The following TKT variants were observed in gnomAD, a reference collection of about 807,000 sequenced individuals.
TKT encodes the protein transketolase.
In TKT, 47 loss-of-function variants were observed where a neutral mutation model predicts 63.9. The observed-to-expected ratio is 0.74, with a 90% CI of 0.58 to 0.94. The LOEUF (loss-of-function observed/expected upper bound fraction) is 0.94. Among genes scored for constraint, TKT ranks in the 40% least tolerant of loss-of-function variants. The pLI, the probability that TKT is intolerant of heterozygous loss-of-function variation, is 0.00. For synonymous variants in TKT, 338 were observed against 334.1 expected, an observed-to-expected ratio of 1.01 and a Z score of -0.13; for missense variants, 721 against 846.2, an observed-to-expected ratio of 0.85 and a Z score of 1.84.
Position 53,239,299 on chromosome 3 carries a change from T to TA in TKT, c.437+951dup, listed in dbSNP as rs1255613004. On this transcript the variant is annotated intron_variant, in intron 4 of 13. Coordinates refer to ENST00000462138, the MANE Select transcript of TKT (RefSeq NM_001064.4). ...ACAGACTAATACAGTGATTATTCTT[T>TA]AAAAAAAAGAATAATTTTTTTTTTA... Among the ~76,000 whole-genome samples, 7 of 152,038 alleles carry TA rather than the reference T, an allele frequency of 4.6e-5. No individual in the cohort carries two copies. In the East Asian group the frequency reaches 5.8e-4, roughly 13 times the overall value.
intron 4 of TKT, among the ~76,000 whole-genome samples, chr3:53,238,721 TC>T (rs1705141830): frequency 6.6e-6 from 1 of 152,208 alleles, no homozygotes; most frequent in Non-Finnish European, 1.5e-5. Flanking sequence ...CCTCAGCCTC[TC>T]CAAGAGCAGC....
chr3:53,237,104 A>G (rs370623954), intron 4 of TKT, among the ~76,000 whole-genome samples: 49 of 152,240 alleles, frequency 3.2e-4, no homozygotes, highest in African/African-American at 1.2e-3. Context: ...AGCTCTCAGG[A>G]TGTGTGCAGT....
intron 1 of TKT, among the ~76,000 whole-genome samples, chr3:53,246,089 G>T (rs1283584574): frequency 1.3e-5 from 2 of 152,038 alleles, no homozygotes; most frequent in African/African-American, 2.4e-5. Context: ...CCAACATGGT[G>T]AAACCCTGTA....
intron 1 of TKT, among the ~76,000 whole-genome samples, chr3:53,253,142 G>T (rs782019203): frequency 6.6e-6 from 1 of 151,898 alleles, no homozygotes; most frequent in Non-Finnish European, 1.5e-5. Context: ...GCGCCTGGCC[G>T]AAACATTATT....
chr3:53,240,492 ACTT>A (rs1705227820), intron 3 of TKT, 144 bp from the exon 4 acceptor site: 5 of 633,200 alleles, frequency 7.9e-6, no homozygotes, highest in African/African-American at 1.8e-5. Flanking sequence ...CTAGCATGTG[ACTT>A]CTTCTCCTAA....
intron 4 of TKT, among the ~76,000 whole-genome samples, chr3:53,239,385 T>C (rs1456793563): frequency 6.6e-6 from 1 of 152,148 alleles, no homozygotes; most frequent in Non-Finnish European, 1.5e-5. Context: ...CATGTATAGC[T>C]ATAATCTTGA....
At chr3:53,244,921 G>C (rs1166438494) in intron 1 of TKT, among the ~76,000 whole-genome samples, 4 of 150,282 alleles carry the variant, frequency 2.7e-5, no homozygotes, top group Non-Finnish European at 5.9e-5. Context: ...ACCCTGCCTT[G>C]ACCAAAACAG....
intron 10 of TKT, chr3:53,228,678 G>T: frequency 2.0e-6 from 1 of 504,532 alleles, no homozygotes; most frequent in Non-Finnish European, 3.6e-6. Context: ...ATGCAGCTCC[G>T]GGCCTGGACC....
At chr3:53,236,825 G>A (rs1553678728) in intron 4 of TKT, among the ~76,000 whole-genome samples, 2 of 152,226 alleles carry the variant, frequency 1.3e-5, no homozygotes, top group African/African-American at 4.8e-5. Flanking sequence ...GTCCCGAGGA[G>A]ATGCCAAGGA....
At position 53,230,611 on chromosome 3, in the gene TKT, C is replaced by T. The variant is rs781935591; in HGVS notation, c.953G>A (p.Arg318His). The change falls in exon 8 of 14, where the codon CGC becomes CAC. Residue 318 changes from arginine to histidine, a missense_variant. Transcript: ENST00000462138. ...SYKVGDKIAT[R>H]KAYGQALAKL... The stretch of plus-strand genomic sequence containing the variant: ...GGCCAGTGCCTGCCCGTAGGCCTTG[C>T]GGGTGGCTATCTGTGAGGAAGAGAG... 1.2e-5 allele frequency: 19 copies of T among 1,614,054 alleles called. No homozygotes were observed. Among genetic ancestry groups the T allele is most frequent in the South Asian group, 4.4e-5 (4 of 91,080 alleles).
At chr3:53,226,646 G>A (rs577758999) in intron 13 of TKT, 110 bp downstream of exon 13, 1 of 1,499,736 alleles carries the variant, frequency 6.7e-7, no homozygotes, top group East Asian at 2.3e-5. Flanking sequence ...ACAGCTCTGG[G>A]TGTTCTGGGC....
chr3:53,228,910 C>T (rs1023594796), intron 10 of TKT, 97 bp downstream of exon 10: 3 of 1,529,980 alleles, frequency 2.0e-6, no homozygotes, highest in Non-Finnish European at 2.6e-6. Flanking sequence ...TCAGGAAACA[C>T]CCCCTGGGGC....
intron 1 of TKT, among the ~76,000 whole-genome samples, chr3:53,242,739 T>G (rs1363297277): frequency 4.6e-5 from 7 of 152,074 alleles, no homozygotes; most frequent in Non-Finnish European, 1.0e-4. Context: ...CACTGCCCAC[T>G]TGTGAAGGGC....
chr3:53,233,058 C>A, intron 6 of TKT, 98 bp downstream of exon 6: 1 of 1,027,998 alleles, frequency 9.7e-7, no homozygotes, highest in Non-Finnish European at 1.5e-6. Context: ...GCTCAGTGAG[C>A]AGCAAGGGCT....
At chr3:53,247,653 A>AG (rs1222836101) in intron 1 of TKT, among the ~76,000 whole-genome samples, 33 of 151,438 alleles carry the variant, frequency 2.2e-4, no homozygotes, top group Non-Finnish European at 7.4e-5. Context: ...AAAAAAAAAA[A>AG]AAAATACTCA....
chr3:53,253,418 T>C (rs781970215), intron 1 of TKT, among the ~76,000 whole-genome samples: 3 of 152,062 alleles, frequency 2.0e-5, no homozygotes, highest in Non-Finnish European at 2.9e-5. Flanking sequence ...AGTGATCCTC[T>C]GCCTCAGCCT....
At chr3:53,251,962 C>G (rs1705766643) in intron 1 of TKT, among the ~76,000 whole-genome samples, 1 of 152,226 alleles carries the variant, frequency 6.6e-6, no homozygotes. Flanking sequence ...CATGGAGAAA[C>G]CCCGTCTCTA....
At chr3:53,230,435 C>T (rs781975741) in intron 8 of TKT, 22 bp downstream of exon 8, 1 of 1,614,028 alleles carries the variant, frequency 6.2e-7, no homozygotes, top group South Asian at 1.1e-5. Context: ...GTGGACCTGT[C>T]CCTGCCGGCC....
intron 4 of TKT, among the ~76,000 whole-genome samples, chr3:53,238,456 G>A (rs1355462801): frequency 6.6e-6 from 1 of 152,238 alleles, no homozygotes; most frequent in East Asian, 1.9e-4. Context: ...AAGGGACTGT[G>A]AGGCCTCCTT....
Sources: allele counts gnomAD v4.1 joint callset (sites outside exome capture counted in the v4.1 genomes callset), GRCh38; gene constraint gnomAD v4.1.1; transcripts MANE v1.5; gene names NCBI Gene and HGNC (gene_info 2026-07-23, HGNC 2026-07-21).